Variants in ATP1B3 observed in about 807,000 individuals in gnomAD.
The protein encoded by ATP1B3 is sodium/potassium-transporting ATPase subunit beta-3.
A neutral mutation model predicts 30.2 loss-of-function variants in ATP1B3; 10 were observed. That is an observed-to-expected ratio of 0.33 (90% CI 0.20 to 0.56). The LOEUF (loss-of-function observed/expected upper bound fraction) is 0.56. Ranked by LOEUF, ATP1B3 falls within the 20% of genes least tolerant of loss-of-function variation. The pLI is 0.90. For missense variants in ATP1B3, 238 were observed against 336.7 expected, an observed-to-expected ratio of 0.71 and a Z score of 2.29; for synonymous variants, 113 against 117.0, an observed-to-expected ratio of 0.97 and a Z score of 0.22.
chr3:141,895,124 G>C (rs1934036908), intron 1 of ATP1B3, among the ~76,000 whole-genome samples: 2 of 151,710 alleles, frequency 1.3e-5, no homozygotes, highest in South Asian at 2.1e-4. Context: ...GTTTTTTTTG[G>C]GGGGAGGGTC....
At chr3:141,890,465 G>A (rs1257363314) in intron 1 of ATP1B3, among the ~76,000 whole-genome samples, 1 of 151,426 alleles carries the variant, frequency 6.6e-6, no homozygotes, top group Non-Finnish European at 1.5e-5. Context: ...ACTACGCCCG[G>A]CTGATTTTTG....
chr3:141,902,955 T>C (rs1934191391), intron 1 of ATP1B3: 1 of 152,226 alleles, frequency 6.6e-6, no homozygotes, highest in Non-Finnish European at 1.5e-5. Flanking sequence ...AATTTGCATG[T>C]CATCCTTGCA....
intron 1 of ATP1B3, among the ~76,000 whole-genome samples, chr3:141,885,875 G>A (rs1488482999): frequency 1.5e-5 from 2 of 134,398 alleles, no homozygotes; most frequent in East Asian, 2.1e-4. Flanking sequence ...TATCTGCTGC[G>A]TTAAAACACA....
rs145388610 is a variant in ATP1B3, at chr3:141,892,857, G to T, written c.110-10763G>T. On this transcript the variant is annotated intron_variant, in intron 1 of 6. Transcript: ENST00000286371. The stretch of plus-strand genomic sequence containing the variant: ...GCGGTAGCTTCACAGATTATACAAC[G>T]GTCAAAACTAACTGGAATTGTATAC... 7.3e-3 allele frequency among the ~76,000 whole-genome samples: 1,110 copies of T among 152,004 alleles called. 11 individuals carry two copies. The highest frequency in any genetic ancestry group is 0.031 in the Middle Eastern group (9 of 292).
intron 3 of ATP1B3, among the ~76,000 whole-genome samples, chr3:141,908,438 G>C (rs541460765): frequency 6.6e-6 from 1 of 151,976 alleles, no homozygotes; most frequent in Non-Finnish European, 1.5e-5. Flanking sequence ...CTCCCACCCC[G>C]TCTTCCCTTT....
rs75169749 is a variant in ATP1B3, at chr3:141,912,208, T to C, written c.347-1444T>C. Among the ~76,000 whole-genome samples, 38 of 138,504 alleles carry C rather than the reference T, an allele frequency of 2.7e-4. 2 individuals carry two copies. In the South Asian group the frequency reaches 8.8e-3, roughly 32 times the overall value. The allele number at this position is 138,504 out of a possible 152,430, so 90.9% of individuals were successfully genotyped here. A position where few individuals can be genotyped will look rare whatever the true frequency, so the allele number is the denominator to read the frequency against. ...CCAAACATTTTGACAGTGATTTTTT[T>C]CCCCCAAGGTAAAGACTTTACACTT... On this transcript the variant is annotated intron_variant, in intron 3 of 6. Coordinates refer to ENST00000286371, the MANE Select transcript of ATP1B3 (RefSeq NM_001679.4).
intron 1 of ATP1B3, among the ~76,000 whole-genome samples, chr3:141,888,291 C>CA (rs1478118044): frequency 1.3e-5 from 2 of 152,158 alleles, no homozygotes; most frequent in African/African-American, 4.8e-5. Flanking sequence ...TCACCAGTCT[C>CA]AGAGTGTTTC....
In ATP1B3 at chr3:141,882,456, G is replaced by A. The variant is rs532269758; in HGVS notation, c.109+5546G>A. ...CCTTTTTCCTAAATGTTGATGTGCTGGAGGTGTCCTTGGGTCTGTCACCTT... is the reference window on the plus strand; with the variant it reads ...CCTTTTTCCTAAATGTTGATGTGCTAGAGGTGTCCTTGGGTCTGTCACCTT... On this transcript the variant is annotated intron_variant, in intron 1 of 6. Transcript: ENST00000286371. 1.2e-4 allele frequency among the ~76,000 whole-genome samples: 19 copies of A among 152,152 alleles called. No homozygotes were observed. The South Asian group carries it at 3.1e-3, about 25-fold the overall frequency.
At position 141,908,228 on chromosome 3, in the gene ATP1B3, T is replaced by TA. The variant is rs541123298; in HGVS notation, c.346+955dup. On this transcript the variant is annotated intron_variant, in intron 3 of 6. Coordinates refer to ENST00000286371, the MANE Select transcript of ATP1B3 (RefSeq NM_001679.4). ...TTTTAATACATCCGTTTTTCAAAGT[T>TA]ACCAGTTTGTAACGCTCTTTGATAG... Among the ~76,000 whole-genome samples the TA allele has an allele frequency of 3.1e-3, 468 of 152,288 alleles. 3 individuals carry two copies. Among genetic ancestry groups the TA allele is most frequent in the African/African-American group, 0.011 (448 of 41,560 alleles).
chr3:141,892,295 T>C (rs1051070643), intron 1 of ATP1B3, among the ~76,000 whole-genome samples: 1 of 152,198 alleles, frequency 6.6e-6, no homozygotes, highest in Admixed American at 6.5e-5. Context: ...CTAGTTTGCA[T>C]ACAGTAATAA....
intron 1 of ATP1B3, among the ~76,000 whole-genome samples, chr3:141,895,338 G>A (rs971272841): frequency 2.0e-5 from 3 of 151,622 alleles, no homozygotes; most frequent in Non-Finnish European, 4.4e-5. Context: ...ACAGGTGCCC[G>A]CTACCATGCC....
intron 1 of ATP1B3, among the ~76,000 whole-genome samples, chr3:141,883,788 C>T (rs986380051): frequency 2.0e-5 from 3 of 152,154 alleles, no homozygotes; most frequent in Admixed American, 6.5e-5. Context: ...TTGGTGTACC[C>T]ATAGTATAAT....
chr3:141,918,595 C>A (rs1247514571), intron 5 of ATP1B3: 1 of 152,078 alleles, frequency 6.6e-6, no homozygotes, highest in African/African-American at 2.4e-5. Flanking sequence ...CGTGCTATCA[C>A]GCCCGGTTAA....
chr3:141,913,050 A>C (rs147832309), intron 3 of ATP1B3, among the ~76,000 whole-genome samples: 94 of 152,222 alleles, frequency 6.2e-4, no homozygotes, highest in Non-Finnish European at 8.2e-4. Flanking sequence ...TTGTTAATTG[A>C]TGTTTGGCAA....
At chr3:141,890,511 C>T (rs1349748457) in intron 1 of ATP1B3, among the ~76,000 whole-genome samples, 2 of 151,904 alleles carry the variant, frequency 1.3e-5, no homozygotes, top group African/African-American at 4.8e-5. Flanking sequence ...CCATGTTGGC[C>T]AGGCTGGTCT....
At position 141,920,890 on chromosome 3, in the gene ATP1B3, A is replaced by G. The variant is rs1004708869; in HGVS notation, c.583-1087A>G. Among the ~76,000 whole-genome samples the G allele has an allele frequency of 5.3e-5, 8 of 152,274 alleles. No individual in the cohort carries two copies. In the East Asian group the frequency reaches 1.2e-3, roughly 22 times the overall value. ...AGAGCTTGTCTGGTGGGTGGGGCGCATCATCACTCTGTCCTTTGTGCTGTC... is the reference window on the plus strand; with the variant it reads ...AGAGCTTGTCTGGTGGGTGGGGCGCGTCATCACTCTGTCCTTTGTGCTGTC... On this transcript the variant is annotated intron_variant, in intron 5 of 6. Coordinates refer to ENST00000286371, the MANE Select transcript of ATP1B3 (RefSeq NM_001679.4).
At chr3:141,883,599 A>G (rs1577955888) in intron 1 of ATP1B3, among the ~76,000 whole-genome samples, 3 of 152,110 alleles carry the variant, frequency 2.0e-5, no homozygotes, top group African/African-American at 2.4e-5. Context: ...GTCATTGCCT[A>G]TTTACTAGAC....
chr3:141,888,425 C>T (rs1464352658), intron 1 of ATP1B3, among the ~76,000 whole-genome samples: 3 of 152,014 alleles, frequency 2.0e-5, no homozygotes, highest in African/African-American at 7.3e-5. Flanking sequence ...TCTACCTTTA[C>T]CTGAGTAATA....
At chr3:141,911,286 ACTC>A (rs1934354879) in intron 3 of ATP1B3, among the ~76,000 whole-genome samples, 1 of 150,396 alleles carries the variant, frequency 6.6e-6, no homozygotes, top group East Asian at 2.0e-4. Context: ...TTAATTTTCA[ACTC>A]CTTTTTGGTT....
Sources: allele counts gnomAD v4.1 joint callset (sites outside exome capture counted in the v4.1 genomes callset), GRCh38; gene constraint gnomAD v4.1.1; transcripts MANE v1.5; gene names NCBI Gene and HGNC (gene_info 2026-07-23, HGNC 2026-07-21).